CPED1: variants seen among roughly 807,000 people sequenced by gnomAD.
CPED1 encodes the protein cadherin-like and PC-esterase domain-containing protein 1.
In CPED1, 114 loss-of-function variants were observed where a neutral mutation model predicts 128.2. The observed-to-expected ratio is 0.89, with a 90% confidence interval of 0.76 to 1.04. The LOEUF is 1.04. Among genes scored for constraint, CPED1 ranks in the 50% least tolerant of loss-of-function variants. The pLI is 0.00. For missense variants in CPED1, 1,211 were observed against 1,207.1 expected, an observed-to-expected ratio of 1.00 and a Z score of -0.05; for synonymous variants, 462 against 426.7, an observed-to-expected ratio of 1.08 and a Z score of -1.02.
intron 16 of CPED1, among the ~76,000 whole-genome samples, chr7:121,221,439 T>G (rs909475006): frequency 1.3e-5 from 2 of 152,240 alleles, no homozygotes; most frequent in African/African-American, 4.8e-5. Flanking sequence ...TGCATGTGTC[T>G]TTATAGTAGC....
chr7:121,105,551 A>T (rs957729919), intron 7 of CPED1, among the ~76,000 whole-genome samples: 1 of 152,132 alleles, frequency 6.6e-6, no homozygotes, highest in Non-Finnish European at 1.5e-5. Context: ...GAGAGTTTGT[A>T]AAAAGAGTTG....
At chr7:121,085,914 G>C (rs760134030) in intron 5 of CPED1, among the ~76,000 whole-genome samples, 1 of 152,270 alleles carries the variant, frequency 6.6e-6, no homozygotes, top group African/African-American at 2.4e-5. Context: ...TATTTCTCCC[G>C]AACAGAGTTT....
At chr7:121,203,540 C>T (rs1189381145) in intron 16 of CPED1, among the ~76,000 whole-genome samples, 1 of 152,098 alleles carries the variant, frequency 6.6e-6, no homozygotes, top group African/African-American at 2.4e-5. Flanking sequence ...GCCACAGTGG[C>T]TCCCTAACTG....
chr7:121,183,601 A>G (rs957995206), intron 16 of CPED1, among the ~76,000 whole-genome samples: 2 of 152,200 alleles, frequency 1.3e-5, no homozygotes, highest in African/African-American at 2.4e-5. Flanking sequence ...ATGAATAGCT[A>G]TAGCAAACTG....
intron 16 of CPED1, among the ~76,000 whole-genome samples, chr7:121,224,482 G>A (rs577324361): frequency 6.6e-6 from 1 of 152,242 alleles, no homozygotes; most frequent in South Asian, 2.1e-4. Flanking sequence ...GTTCTGCTTG[G>A]TGCAGAGCTG....
intron 16 of CPED1, among the ~76,000 whole-genome samples, chr7:121,184,819 G>A (rs915481402): frequency 2.0e-5 from 3 of 152,124 alleles, no homozygotes; most frequent in Non-Finnish European, 4.4e-5. Flanking sequence ...AAACAATTGA[G>A]TGTCTTTAAC....
intron 16 of CPED1, among the ~76,000 whole-genome samples, chr7:121,167,725 A>ATTTTTTT (rs10588976): frequency 4.0e-5 from 4 of 99,246 alleles, no homozygotes; most frequent in South Asian, 3.3e-4. Flanking sequence ...TTTAAAGTCT[A>ATTTTTTT]TTTTTTTTTT....
intron 16 of CPED1, among the ~76,000 whole-genome samples, chr7:121,225,164 G>A (rs1395649198): frequency 6.6e-6 from 1 of 152,090 alleles, no homozygotes; most frequent in Non-Finnish European, 1.5e-5. Context: ...TGTAAGGCAG[G>A]CCTGGTGGTG....
intron 21 of CPED1, among the ~76,000 whole-genome samples, 153 bp downstream of exon 21, chr7:121,267,455 T>C (rs973229052): frequency 6.6e-6 from 1 of 152,054 alleles, no homozygotes; most frequent in Non-Finnish European, 1.5e-5. Flanking sequence ...CCACCAATTT[T>C]ACATACACCT....
intron 16 of CPED1, among the ~76,000 whole-genome samples, chr7:121,165,065 A>G (rs2177579): frequency 6.6e-6 from 1 of 152,124 alleles, no homozygotes; most frequent in African/African-American, 2.4e-5. Context: ...ACATTTGTGT[A>G]TTTCAATGAT....
At chr7:121,007,900 T>C (rs1792065374) in intron 2 of CPED1, among the ~76,000 whole-genome samples, 1 of 152,332 alleles carries the variant, frequency 6.6e-6, no homozygotes, top group East Asian at 1.9e-4. Context: ...CCTGTATGGT[T>C]TAATGCCTCC....
At chr7:121,272,261 T>G (rs758699817) in intron 22 of CPED1, among the ~76,000 whole-genome samples, 2 of 152,128 alleles carry the variant, frequency 1.3e-5, no homozygotes, top group Non-Finnish European at 2.9e-5. Context: ...TTCTCTACTT[T>G]TATTCTTCTA....
chr7:121,277,713 T>C (rs1367926778), intron 22 of CPED1, among the ~76,000 whole-genome samples: 2 of 152,118 alleles, frequency 1.3e-5, no homozygotes, highest in African/African-American at 4.8e-5. Context: ...GTGCCCACTG[T>C]ATGTGTGAGG....
intron 2 of CPED1, among the ~76,000 whole-genome samples, chr7:121,007,832 T>G (rs1159376987): frequency 6.6e-6 from 1 of 152,162 alleles, no homozygotes; most frequent in Non-Finnish European, 1.5e-5. Flanking sequence ...CAAATCAGGC[T>G]CCATAGAACA....
At chr7:121,255,848 A>G (rs1258131180) in intron 18 of CPED1, among the ~76,000 whole-genome samples, 2 of 152,028 alleles carry the variant, frequency 1.3e-5, no homozygotes, top group Non-Finnish European at 2.9e-5. Flanking sequence ...AATACAGATA[A>G]GCAAGGTGGT....
chr7:121,077,280 C>A (rs557206651), intron 5 of CPED1, among the ~76,000 whole-genome samples: 104 of 152,086 alleles, frequency 6.8e-4, no homozygotes, highest in Non-Finnish European at 1.4e-3. Flanking sequence ...TTCTAGCCAT[C>A]CATGAGAAGG....
In CPED1 at chr7:121,201,242, G is replaced by C. The variant is rs1245580984; in HGVS notation, c.2056-35472G>C. On this transcript the variant is annotated intron_variant, in intron 16 of 22. Coordinates refer to ENST00000310396, the MANE Select transcript of CPED1 (RefSeq NM_024913.5). ...AATAAATTATTATCAAGACCAGCCT[G>C]GTCAACATGGTAACACCCCGCTCCA... 3.3e-5 allele frequency among the ~76,000 whole-genome samples: 5 copies of C among 152,034 alleles called. No homozygotes were observed. The East Asian group carries it at 7.7e-4, about 24-fold the overall frequency.
intron 16 of CPED1, among the ~76,000 whole-genome samples, chr7:121,151,028 A>C (rs1392484284): frequency 1.3e-5 from 2 of 152,090 alleles, no homozygotes; most frequent in Admixed American, 6.5e-5. Flanking sequence ...GGCCTCCCAA[A>C]GTGCTGGGAT....
chr7:121,224,787 C>CTTTTTTTTTTTTTTTTTT (rs143087799), intron 16 of CPED1, among the ~76,000 whole-genome samples: 8 of 56,250 alleles, frequency 1.4e-4, no homozygotes, highest in African/African-American at 5.3e-4. Context: ...GCAACCCCTG[C>CTTTTTTTTTTTTTTTTTT]TTTTTTTTTT....
Sources: allele counts gnomAD v4.1 joint callset (sites outside exome capture counted in the v4.1 genomes callset), GRCh38; gene constraint gnomAD v4.1.1; transcripts MANE v1.5; gene names NCBI Gene and HGNC (gene_info 2026-07-23, HGNC 2026-07-21).